The following PRUNE2 variants were observed in gnomAD, a reference collection of about 807,000 sequenced individuals.
The protein encoded by PRUNE2 is protein prune homolog 2.
Under a neutral mutation model 252.0 loss-of-function variants are expected in PRUNE2, and 164 were observed. That is an observed-to-expected ratio of 0.65 (90% confidence interval 0.57 to 0.74). The LOEUF (loss-of-function observed/expected upper bound fraction) is 0.74. PRUNE2 is among the 30% of genes least tolerant of loss of function. PRUNE2 has a pLI of 0.00. For missense variants in PRUNE2, 3,495 were observed against 3,711.0 expected (o/e 0.94, Z 1.51); for synonymous variants, 1,292 against 1,350.2 (o/e 0.96, Z 0.94).
intron 18 of PRUNE2, among the ~76,000 whole-genome samples, chr9:76,617,021 G>A (rs1010632275): frequency 6.6e-6 from 1 of 151,574 alleles, no homozygotes; most frequent in African/African-American, 2.4e-5. Context: ...TTGGAAAAAA[G>A]AATACTTTTA....
rs1564081534 is a variant in PRUNE2 at position 76,703,530 on chromosome 9, C to A, written c.8083G>T (p.Val2695Phe). The A allele has an allele frequency of 1.9e-6, 3 of 1,613,926 alleles. No homozygotes were observed. Among genetic ancestry groups the A allele is most frequent in the Non-Finnish European group, 2.5e-6 (3 of 1,179,882 alleles). ...CTCTTACTCTTCTGTGATTGGCTGA[C>A]TGGACCAGAGGCTTCCTCTAGTGCC... ...SLALEEASGP[V>F]SQSQKSKSRG... is the part of the protein sequence containing the mutation. The change falls in exon 9 of 19, where the codon GTC (valine) becomes TTC (phenylalanine). Residue 2695 changes from valine to phenylalanine, a missense_variant. By Grantham distance (50) the Val-to-Phe change is conservative (BLOSUM62 -1). Transcript: ENST00000376718.
In PRUNE2 at chr9:76,703,614, C is replaced by T. The variant is rs770780350; in HGVS notation, c.7999G>A (p.Gly2667Ser). ...GKTVEPFSEL[G>S]LGEGPQLQIL... is the part of the protein sequence containing the mutation. ...TGCAGCTGGGGACCCTCACCCAAGC[C>T]GAGTTCAGAGAACGGCTCCACAGTC... The change falls in exon 9 of 19, where the codon GGC becomes AGC. Residue 2667 changes from glycine to serine, a missense_variant. By Grantham distance (56) the Gly-to-Ser change is moderately conservative. Coordinates refer to ENST00000376718, the MANE Select transcript of PRUNE2 (RefSeq NM_015225.3). 6.8e-6 allele frequency: 11 copies of T among 1,612,756 alleles called. No individual in the cohort carries two copies. Among genetic ancestry groups the T allele is most frequent in the East Asian group, 2.2e-5 (1 of 44,880 alleles).
At chr9:76,765,686 A>G (rs962811884) in intron 6 of PRUNE2, among the ~76,000 whole-genome samples, 7 of 152,212 alleles carry the variant, frequency 4.6e-5, no homozygotes, top group African/African-American at 1.7e-4. Context: ...TAGAAGGCAC[A>G]GCCTTATCTA....
chr9:76,619,346 T>C lies in PRUNE2; in HGVS notation c.9230A>G (p.Glu3077Gly). 1 of 1,600,296 alleles carries C rather than the reference T, an allele frequency of 6.2e-7. No individual in the cohort carries two copies. Among genetic ancestry groups the C allele is most frequent in the Non-Finnish European group, 8.5e-7 (1 of 1,170,022 alleles). The change falls in exon 18 of 19, where the codon GAG becomes GGG. Residue 3077 changes from glutamate (E) to glycine (G), a missense_variant. Transcript: ENST00000376718. ...ATTGATGGTGAATTCTTACTCCTTC[T>C]CCATAGAAGACATTTCTGGATCATT... Reference protein sequence around the residue: ...LYNDPEMSSMEKDIDLKLKEK... With the variant: ...LYNDPEMSSMGKDIDLKLKEK...
At position 76,709,908 on chromosome 9, in the gene PRUNE2, C is replaced by T; in HGVS notation, c.2366G>A (p.Gly789Asp). 1.2e-6 allele frequency: 2 copies of T among 1,613,862 alleles called. No individual in the cohort carries two copies. Among genetic ancestry groups the T allele is most frequent in the Non-Finnish European group, 1.7e-6 (2 of 1,179,856 alleles). ...PEPWGNPTDD[G>D]EPAAVAPFPA... ...GAATGGCGCCACAGCTGCTGGTTCA[C>T]CATCATCTGTAGGATTTCCCCAGGG... The change falls in exon 8 of 19, where the codon GGT (glycine) becomes GAT (aspartate). Residue 789 changes from glycine (G) to aspartate (D), a missense_variant. By Grantham distance (94) the Gly-to-Asp change is moderately conservative. Coordinates refer to ENST00000376718, the MANE Select transcript of PRUNE2 (RefSeq NM_015225.3).
At position 76,826,667 on chromosome 9, in the gene PRUNE2, G is replaced by A. The variant is rs371655412; in HGVS notation, c.574C>T (p.Leu192Phe). ...GGAAATTTTTCTTCCAGGATAGAAA[G>A]AATTTCCTCCTGCTTCTCTGAGATC... ...EKISEKQEEI[L>F]SILEEKFPNL... The change falls in exon 5 of 19, where the codon CTT becomes TTT. Residue 192 changes from leucine to phenylalanine, a missense_variant. Physicochemically the swap from Leu to Phe is conservative, Grantham distance 22. Transcript: ENST00000376718. The A allele has an allele frequency of 4.3e-6, 7 of 1,612,068 alleles. No individual in the cohort carries two copies. Among genetic ancestry groups the A allele is most frequent in the Non-Finnish European group, 5.9e-6 (7 of 1,178,668 alleles).
chr9:76,741,702 C>A (rs1016407250), intron 6 of PRUNE2, among the ~76,000 whole-genome samples: 1 of 152,192 alleles, frequency 6.6e-6, no homozygotes, highest in Non-Finnish European at 1.5e-5. Context: ...GCTCCCCCTA[C>A]CTTGGTGTTA....
intron 6 of PRUNE2, among the ~76,000 whole-genome samples, chr9:76,761,614 T>C (rs2051739081): frequency 3.3e-5 from 5 of 152,232 alleles, no homozygotes; most frequent in Admixed American, 3.3e-4. Context: ...TGTCATGTTT[T>C]ATACTTTAGA....
At chr9:76,794,441 C>T (rs2055862468) in intron 6 of PRUNE2, among the ~76,000 whole-genome samples, 1 of 151,816 alleles carries the variant, frequency 6.6e-6, no homozygotes, top group African/African-American at 2.4e-5. Context: ...ACAGTGAAAC[C>T]CTGTCTCTAC....
chr9:76,832,916 A>C (rs2058747555), intron 4 of PRUNE2, among the ~76,000 whole-genome samples: 1 of 152,132 alleles, frequency 6.6e-6, no homozygotes, highest in South Asian at 2.1e-4. Flanking sequence ...ATAAGTTTTA[A>C]ATTTTAGAAG....
intron 1 of PRUNE2, among the ~76,000 whole-genome samples, chr9:76,902,919 G>A (rs2063266369): frequency 6.6e-6 from 1 of 152,220 alleles, no homozygotes; most frequent in South Asian, 2.1e-4. Context: ...AGGAGGATGG[G>A]ATTATGTCAG....
chr9:76,709,976 A>G lies in PRUNE2; in HGVS notation c.2298T>C (p.Ala766=). The change falls in exon 8 of 19, where the codon GCT becomes GCC. Residue 766 remains alanine (A), a synonymous_variant. Transcript: ENST00000376718. ...GAGAGCGACCAGAATGCCACAAAGA[A>G]GCAAAGTCTTCTATCAGGTGGTTTG... is the stretch of plus-strand genomic sequence containing the variant. ...QGTNHLIEDF[A]SLWHSGRSPT... 6.2e-7 allele frequency: 1 copy of G among 1,613,734 alleles called. No homozygotes were observed. Among genetic ancestry groups the G allele is most frequent in the Non-Finnish European group, 8.5e-7 (1 of 1,179,802 alleles).
chr9:76,901,584 C>G (rs1157112208), intron 1 of PRUNE2, among the ~76,000 whole-genome samples: 1 of 152,190 alleles, frequency 6.6e-6, no homozygotes, highest in Non-Finnish European at 1.5e-5. Flanking sequence ...AATTTCCAAT[C>G]AAGTTGATTA....
chr9:76,670,924 A>G (rs2133923977), intron 9 of PRUNE2, among the ~76,000 whole-genome samples: 1 of 152,166 alleles, frequency 6.6e-6, no homozygotes, highest in East Asian at 1.9e-4. Context: ...TCAAAGACCA[A>G]AAGTAGATAA....
chr9:76,806,341 T>C (rs1427895259), intron 6 of PRUNE2, among the ~76,000 whole-genome samples: 2 of 152,162 alleles, frequency 1.3e-5, no homozygotes, highest in Non-Finnish European at 2.9e-5. Flanking sequence ...TTTCTTCAGT[T>C]TGCACTTGAA....
In PRUNE2 at chr9:76,709,490, T is replaced by A. The variant is rs1362452469; in HGVS notation, c.2784A>T (p.Lys928Asn). 16 of 1,613,910 alleles carry A rather than the reference T, an allele frequency of 9.9e-6. No homozygotes were observed. Among genetic ancestry groups the A allele is most frequent in the Non-Finnish European group, 1.3e-5 (15 of 1,179,898 alleles). Residue 928 changes from lysine to asparagine, a missense_variant, in exon 8 of 19, where the codon AAA becomes AAT. Lys to Asn is a moderately conservative substitution (Grantham distance 94). Coordinates refer to ENST00000376718, the MANE Select transcript of PRUNE2 (RefSeq NM_015225.3). ...SWNLFEENMK[K>N]GGSDVLVPWE... ...AAGGAACTAGGACATCTGACCCTCCTTTCTTCATATTCTCCTCAAAAAGGT... is the reference window on the plus strand; with the variant it reads ...AAGGAACTAGGACATCTGACCCTCCATTCTTCATATTCTCCTCAAAAAGGT...
intron 6 of PRUNE2, among the ~76,000 whole-genome samples, chr9:76,717,326 G>A (rs182051046): frequency 2.3e-3 from 346 of 152,296 alleles, no homozygotes; most frequent in African/African-American, 8.1e-3. Flanking sequence ...TTATGCCGGT[G>A]CTGTTTGCAT....
At chr9:76,763,192 T>C (rs188557467) in intron 6 of PRUNE2, among the ~76,000 whole-genome samples, 51 of 152,328 alleles carry the variant, frequency 3.3e-4, no homozygotes, top group Non-Finnish European at 2.8e-4. Context: ...GCACTGGAAG[T>C]CAAGTCAATT....
At chr9:76,718,069 C>T (rs1256284863) in intron 6 of PRUNE2, among the ~76,000 whole-genome samples, 1 of 152,198 alleles carries the variant, frequency 6.6e-6, no homozygotes, top group Non-Finnish European at 1.5e-5. Context: ...AGAAATAATA[C>T]AGCTGTACCT....
Sources: allele counts gnomAD v4.1 joint callset (sites outside exome capture counted in the v4.1 genomes callset), GRCh38; gene constraint gnomAD v4.1.1; transcripts MANE v1.5; gene names NCBI Gene and HGNC (gene_info 2026-07-23, HGNC 2026-07-21).